The following DMXL2 variants were observed in gnomAD, a reference collection of about 807,000 sequenced individuals.
DMXL2 encodes dmX-like protein 2.
Under a neutral mutation model 331.1 loss-of-function variants are expected in DMXL2, and 103 were observed. The ratio of observed to expected loss-of-function variants is 0.31; its 90% CI spans 0.27 to 0.37. The LOEUF is 0.37. Ranked by LOEUF, DMXL2 falls within the 10% of genes least tolerant of loss-of-function variation. DMXL2 has a pLI of 1.00. For synonymous variants in DMXL2, 1,281 were observed against 1,252.1 expected (o/e 1.02, Z -0.49); for missense variants, 3,171 against 3,642.9 (o/e 0.87, Z 3.33).
intron 18 of DMXL2, 53 bp from the exon 19 acceptor site, chr15:51,495,187 A>C: frequency 8.9e-7 from 1 of 1,118,248 alleles, no homozygotes; most frequent in Non-Finnish European, 1.4e-6. Context: ...AAGAGGCCAC[A>C]AACTGATAAG....
chr15:51,494,064 C>T (rs2042991251), intron 19 of DMXL2, among the ~76,000 whole-genome samples: 1 of 152,102 alleles, frequency 6.6e-6, no homozygotes, highest in East Asian at 1.9e-4. Flanking sequence ...AGTAATTCCA[C>T]TGCTGGAAAA....
intron 6 of DMXL2, among the ~76,000 whole-genome samples, chr15:51,558,396 G>A (rs2049738018): frequency 6.6e-6 from 1 of 151,946 alleles, no homozygotes; most frequent in African/African-American, 2.4e-5. Context: ...GAACCTTAAT[G>A]GGGAAAAACA....
chr15:51,464,353 T>C (rs933190420), intron 32 of DMXL2, among the ~76,000 whole-genome samples: 18 of 152,256 alleles, frequency 1.2e-4, no homozygotes, highest in African/African-American at 4.1e-4. Context: ...TGAGCTGAGA[T>C]TGCACCACTG....
At chr15:51,517,706 A>T (rs553787580) in intron 13 of DMXL2, among the ~76,000 whole-genome samples, 2 of 152,356 alleles carry the variant, frequency 1.3e-5, no homozygotes, top group South Asian at 4.1e-4. Context: ...ACTTCATCTG[A>T]AACGGTTGCC....
chr15:51,605,250 G>C (rs988321658), intron 1 of DMXL2, among the ~76,000 whole-genome samples: 6 of 152,160 alleles, frequency 3.9e-5, no homozygotes, highest in African/African-American at 7.2e-5. Flanking sequence ...ACTCAGGCTA[G>C]AGTGCAGTAG....
intron 6 of DMXL2, among the ~76,000 whole-genome samples, chr15:51,551,126 T>C (rs1208901847): frequency 6.7e-6 from 1 of 150,276 alleles, no homozygotes; most frequent in African/African-American, 2.4e-5. Context: ...AAAAAAAAAC[T>C]GCCCAACATT....
In DMXL2 at chr15:51,498,780, T is replaced by C. The variant is rs2043366124; in HGVS notation, c.4444A>G (p.Ile1482Val). 6.2e-7 allele frequency: 1 copy of C among 1,614,204 alleles called. No individual in the cohort carries two copies. Among genetic ancestry groups the C allele is most frequent in the African/African-American group, 1.3e-5 (1 of 75,062 alleles). The change falls in exon 18 of 44, where the codon ATT becomes GTT. Residue 1482 changes from isoleucine (I) to valine (V), a missense_variant. By Grantham distance (29) the Ile-to-Val change is conservative. Transcript: ENST00000560891. ...TCTCTCTTTTCAGGCTCTAAATCAATATCATCCGTTGGTATATCCTGGATT... is the reference window on the plus strand; with the variant it reads ...TCTCTCTTTTCAGGCTCTAAATCAACATCATCCGTTGGTATATCCTGGATT... ...FQIQDIPTDD[I>V]DLEPEKRENK...
intron 27 of DMXL2, among the ~76,000 whole-genome samples, chr15:51,475,714 C>T (rs896864270): frequency 6.6e-6 from 1 of 152,042 alleles, no homozygotes; most frequent in Non-Finnish European, 1.5e-5. Flanking sequence ...AGTGGGACAA[C>T]TGGCAAAATT....
chr15:51,622,706 C>T lies in DMXL2; in HGVS notation c.-161G>A. On this transcript the variant is annotated 5_prime_UTR_variant, in exon 1 of 44. Coordinates refer to ENST00000560891, the MANE Select transcript of DMXL2 (RefSeq NM_001378457.1). ...CGCCCCCCTTTCGCCTTCCCTCCGCCTCGTCCCTGCCATGGGAGCTCCTCG... is the reference window on the plus strand; with the variant it reads ...CGCCCCCCTTTCGCCTTCCCTCCGCTTCGTCCCTGCCATGGGAGCTCCTCG... The T allele has an allele frequency of 2.2e-6, 3 of 1,362,382 alleles. No homozygotes were observed. Among genetic ancestry groups the T allele is most frequent in the African/African-American group, 1.5e-5 (1 of 66,640 alleles). The allele number at this position is 1,362,382 out of a possible 1,614,324, so 84.4% of individuals were successfully genotyped here. A position where few individuals can be genotyped will look rare whatever the true frequency, so the allele number is the denominator to read the frequency against.
chr15:51,494,493 T>C (rs1034239045), intron 19 of DMXL2, among the ~76,000 whole-genome samples: 1 of 152,160 alleles, frequency 6.6e-6, no homozygotes, highest in East Asian at 1.9e-4. Context: ...TAGTTTCAAT[T>C]TTTTAATCTG....
intron 10 of DMXL2, 107 bp downstream of exon 10, chr15:51,538,105 GA>G: frequency 7.3e-7 from 1 of 1,378,356 alleles, no homozygotes; most frequent in Non-Finnish European, 9.9e-7. Flanking sequence ...GTAACAAATA[GA>G]AAAGTAAAAA....
chr15:51,569,776 T>C (rs541581467), intron 2 of DMXL2, among the ~76,000 whole-genome samples: 3 of 151,732 alleles, frequency 2.0e-5, no homozygotes, highest in South Asian at 4.2e-4. Context: ...CATAAAGGAA[T>C]ACTATCAACA....
chr15:51,575,839 G>A (rs532590406), intron 2 of DMXL2, among the ~76,000 whole-genome samples: 13 of 152,140 alleles, frequency 8.5e-5, no homozygotes, highest in African/African-American at 3.1e-4. Context: ...ACAGATCTTT[G>A]AAGACAGTAT....
chr15:51,481,710 C>CA (rs1306829140), intron 23 of DMXL2, 87 bp from the exon 24 acceptor site: 26 of 1,264,840 alleles, frequency 2.1e-5, no homozygotes, highest in Non-Finnish European at 2.5e-5. Context: ...AGCATTTCTT[C>CA]AAAAAAACAA....
At chr15:51,503,064 G>A (rs1378220970) in intron 16 of DMXL2, 31 bp from the exon 17 acceptor site, 2 of 1,378,278 alleles carry the variant, frequency 1.5e-6, no homozygotes. Flanking sequence ...ATTACAAAAT[G>A]TATGTATATC....
Position 51,607,381 on chromosome 15 carries a change from G to A in DMXL2, c.87+15078C>T, listed in dbSNP as rs190027372. 3.8e-3 allele frequency among the ~76,000 whole-genome samples: 581 copies of A among 152,226 alleles called. 4 individuals are homozygous for A. Among genetic ancestry groups the A allele is most frequent in the African/African-American group, 0.013 (559 of 41,520 alleles). On this transcript the variant is annotated intron_variant, in intron 1 of 43. Coordinates refer to ENST00000560891, the MANE Select transcript of DMXL2 (RefSeq NM_001378457.1). ...TGAGGCAGAAGAATGGCTCGAACCC[G>A]GGAGGCAGAGCTTGCAGTGAGCCGA...
chr15:51,616,606 C>T (rs1468176928), intron 1 of DMXL2, among the ~76,000 whole-genome samples: 1 of 152,152 alleles, frequency 6.6e-6, no homozygotes, highest in South Asian at 2.1e-4. Context: ...CCTAAAACTT[C>T]TACTGAAATA....
At chr15:51,597,666 C>T (rs575781924) in intron 1 of DMXL2, among the ~76,000 whole-genome samples, 50 of 152,272 alleles carry the variant, frequency 3.3e-4, no homozygotes, top group African/African-American at 1.1e-3. Context: ...AAAAGAGGAA[C>T]TGATGGATCA....
At chr15:51,509,684 G>T (rs1411204655) in intron 15 of DMXL2, among the ~76,000 whole-genome samples, 1 of 152,114 alleles carries the variant, frequency 6.6e-6, no homozygotes, top group African/African-American at 2.4e-5. Context: ...GAAAAAGAGG[G>T]ACTCCTCCCT....
Sources: allele counts gnomAD v4.1 joint callset (sites outside exome capture counted in the v4.1 genomes callset), GRCh38; gene constraint gnomAD v4.1.1; transcripts MANE v1.5; gene names NCBI Gene and HGNC (gene_info 2026-07-23, HGNC 2026-07-21).